FBXL7: variants seen among roughly 807,000 people sequenced by gnomAD.
FBXL7 encodes the protein F-box and leucine rich repeat protein 7.
Under a neutral mutation model 38.3 loss-of-function variants are expected in FBXL7, and 12 were observed. The ratio of observed to expected loss-of-function variants is 0.31; its 90% CI spans 0.20 to 0.51. FBXL7 has a LOEUF of 0.51. Among genes scored for constraint, FBXL7 ranks in the 20% least tolerant of loss-of-function variants. FBXL7 has a pLI of 0.98. For missense variants in FBXL7, 567 were observed against 676.4 expected (o/e 0.84, Z 1.79); for synonymous variants, 297 against 300.9 (o/e 0.99, Z 0.13).
chr5:15,779,315 A>T (rs1013747137), intron 2 of FBXL7, among the ~76,000 whole-genome samples: 1 of 152,094 alleles, frequency 6.6e-6, no homozygotes, highest in Non-Finnish European at 1.5e-5. Flanking sequence ...ATAATTTATT[A>T]TATATTTCAA....
intron 2 of FBXL7, among the ~76,000 whole-genome samples, chr5:15,888,308 A>G (rs1392950005): frequency 6.6e-6 from 1 of 151,736 alleles, no homozygotes; most frequent in Non-Finnish European, 1.5e-5. Context: ...GCTCACTGCA[A>G]CCTCTGCCTC....
At chr5:15,929,814 G>A (rs568035573) in intron 3 of FBXL7, among the ~76,000 whole-genome samples, 293 of 152,178 alleles carry the variant, frequency 1.9e-3, no homozygotes, top group African/African-American at 6.6e-3. Context: ...TCGAGAGGCT[G>A]AAATGTGTAA....
intron 1 of FBXL7, among the ~76,000 whole-genome samples, chr5:15,557,069 C>G (rs1259726382): frequency 6.6e-6 from 1 of 152,230 alleles, no homozygotes; most frequent in Non-Finnish European, 1.5e-5. Context: ...TCCCCAGTAG[C>G]TGGGACTACA....
At chr5:15,549,959 C>G (rs567412844) in intron 1 of FBXL7, among the ~76,000 whole-genome samples, 1 of 152,252 alleles carries the variant, frequency 6.6e-6, no homozygotes, top group South Asian at 2.1e-4. Flanking sequence ...TGCAGGCAGT[C>G]ATGGTACTGC....
intron 2 of FBXL7, among the ~76,000 whole-genome samples, chr5:15,829,100 T>C (rs1738388260): frequency 6.6e-6 from 1 of 152,212 alleles, no homozygotes; most frequent in South Asian, 2.1e-4. Flanking sequence ...GTTTTTAATA[T>C]AGCTTGAGTT....
At chr5:15,767,437 G>T (rs181465563) in intron 2 of FBXL7, among the ~76,000 whole-genome samples, 1 of 152,098 alleles carries the variant, frequency 6.6e-6, no homozygotes, top group Non-Finnish European at 1.5e-5. Flanking sequence ...TAGTCTTTGC[G>T]GTGTGAGGAA....
chr5:15,581,680 G>A (rs1739145929), intron 1 of FBXL7, among the ~76,000 whole-genome samples: 1 of 152,120 alleles, frequency 6.6e-6, no homozygotes, highest in African/African-American at 2.4e-5. Flanking sequence ...TCAGACTTTG[G>A]TCTTATAAGT....
At chr5:15,672,974 C>T (rs1295943599) in intron 2 of FBXL7, among the ~76,000 whole-genome samples, 1 of 152,064 alleles carries the variant, frequency 6.6e-6, no homozygotes, top group Admixed American at 6.5e-5. Flanking sequence ...CCAGATTTTC[C>T]AGATGAGTGA....
rs112616517 is a variant in FBXL7 at position 15,514,882 on chromosome 5, A to C, written c.37+14169A>C. Among the ~76,000 whole-genome samples, 228 of 152,290 alleles carry C rather than the reference A, an allele frequency of 1.5e-3. 1 individual carries two copies. The highest frequency in any genetic ancestry group is 5.4e-3 in the African/African-American group (226 of 41,558). On this transcript the variant is annotated intron_variant, in intron 1 of 3. Coordinates refer to ENST00000504595, the MANE Select transcript of FBXL7 (RefSeq NM_012304.5). Reference sequence around the variant, plus strand: ...AGTTTAGGCAGGGGTACAATTTGGGACAATTCTGAAGGGTCATTTTGGGTC... The same window carrying C: ...AGTTTAGGCAGGGGTACAATTTGGGCCAATTCTGAAGGGTCATTTTGGGTC...
intron 2 of FBXL7, among the ~76,000 whole-genome samples, chr5:15,863,284 T>C (rs1387781301): frequency 6.6e-6 from 1 of 152,234 alleles, no homozygotes; most frequent in Non-Finnish European, 1.5e-5. Context: ...AGATTTTCAG[T>C]GTTAACCTTT....
chr5:15,510,973 G>A (rs542145651), intron 1 of FBXL7, among the ~76,000 whole-genome samples: 3 of 152,268 alleles, frequency 2.0e-5, no homozygotes, highest in South Asian at 2.1e-4. Flanking sequence ...GAGTCACGCC[G>A]GATTTCCCCG....
At chr5:15,637,073 TATGCTA>T (rs1741211353) in intron 2 of FBXL7, among the ~76,000 whole-genome samples, 1 of 152,206 alleles carries the variant, frequency 6.6e-6, no homozygotes, top group African/African-American at 2.4e-5. Flanking sequence ...TCCATTCTCA[TATGCTA>T]ATAAAGAGCA....
intron 1 of FBXL7, among the ~76,000 whole-genome samples, chr5:15,597,988 C>T (rs1383993131): frequency 6.6e-6 from 1 of 152,194 alleles, no homozygotes; most frequent in African/African-American, 2.4e-5. Flanking sequence ...TTTATAGAAG[C>T]CAGACCTTTC....
intron 2 of FBXL7, among the ~76,000 whole-genome samples, chr5:15,755,257 T>A (rs2126690964): frequency 1.3e-5 from 2 of 152,184 alleles, no homozygotes; most frequent in East Asian, 3.9e-4. Context: ...ACTGTGGGCA[T>A]TAACAAAAAT....
At chr5:15,741,500 C>T (rs534079464) in intron 2 of FBXL7, among the ~76,000 whole-genome samples, 130 of 152,204 alleles carry the variant, frequency 8.5e-4, no homozygotes, top group African/African-American at 3.1e-3. Context: ...CATGGGAGGC[C>T]ATTCTTTGAC....
At position 15,806,626 on chromosome 5, in the gene FBXL7, G is replaced by C. The variant is rs899720051; in HGVS notation, c.128-121264G>C. Among the ~76,000 whole-genome samples the C allele has an allele frequency of 2.6e-5, 4 of 152,308 alleles. No homozygotes were observed. In the East Asian group the frequency reaches 7.7e-4, roughly 29 times the overall value. On this transcript the variant is annotated intron_variant, in intron 2 of 3. Coordinates refer to ENST00000504595, the MANE Select transcript of FBXL7 (RefSeq NM_012304.5). The stretch of plus-strand genomic sequence containing the variant: ...TGATAATTATCAGGTTGGGACAACA[G>C]GTATAAAACAGGGCTTTTCCCGTCC...
chr5:15,593,078 G>C (rs1739528095), intron 1 of FBXL7, among the ~76,000 whole-genome samples: 1 of 152,154 alleles, frequency 6.6e-6, no homozygotes, highest in Non-Finnish European at 1.5e-5. Flanking sequence ...TGAAATTTTA[G>C]AGCCTTTAAA....
intron 2 of FBXL7, among the ~76,000 whole-genome samples, chr5:15,893,537 C>T (rs1740996902): frequency 6.6e-6 from 1 of 151,844 alleles, no homozygotes; most frequent in Non-Finnish European, 1.5e-5. Flanking sequence ...AAGCATAGTA[C>T]CTATTGAATT....
chr5:15,613,875 A>G (rs1740344694), intron 1 of FBXL7, among the ~76,000 whole-genome samples: 1 of 152,220 alleles, frequency 6.6e-6, no homozygotes, highest in African/African-American at 2.4e-5. Flanking sequence ...GACAAGTCAA[A>G]GATCAAGGTG....
Sources: gnomAD v4.1 joint callset for allele counts (sites outside exome capture counted in the v4.1 genomes callset) on GRCh38, gnomAD v4.1.1 for gene constraint, MANE v1.5 for transcripts, NCBI Gene and HGNC (gene_info 2026-07-23, HGNC 2026-07-21) for gene names.